The following GALNT7 variants were observed in gnomAD, a reference collection of about 807,000 sequenced individuals.
GALNT7 encodes the protein polypeptide N-acetylgalactosaminyltransferase 7.
GALNT7 carries 60 observed loss-of-function variants against 82.1 expected under a neutral mutation model. That is an observed-to-expected ratio of 0.73 (90% confidence interval 0.59 to 0.91). GALNT7 has a LOEUF of 0.91. Ranked by LOEUF, GALNT7 falls within the 40% of genes least tolerant of loss-of-function variation. The pLI is 0.00. For missense variants in GALNT7, 660 were observed against 804.2 expected (o/e 0.82, Z 2.17); for synonymous variants, 243 against 275.1 (o/e 0.88, Z 1.15).
intron 2 of GALNT7, among the ~76,000 whole-genome samples, 196 bp from the exon 3 acceptor site, chr4:173,291,912 T>A (rs1736548142): frequency 6.6e-6 from 1 of 152,220 alleles, no homozygotes; most frequent in African/African-American, 2.4e-5. Flanking sequence ...ATGCAGTAGC[T>A]TTACCTAGGA....
chr4:173,186,555 T>C (rs1732467649), intron 1 of GALNT7, among the ~76,000 whole-genome samples: 1 of 152,196 alleles, frequency 6.6e-6, no homozygotes, highest in Non-Finnish European at 1.5e-5. Context: ...CTGTTCCTTC[T>C]TCTTGGATGA....
At chr4:173,240,335 A>C (rs1335876122) in intron 1 of GALNT7, among the ~76,000 whole-genome samples, 1 of 151,374 alleles carries the variant, frequency 6.6e-6, no homozygotes, top group Non-Finnish European at 1.5e-5. Context: ...TAGAGATGGC[A>C]ATGGAAAGTG....
At chr4:173,297,528 G>A (rs946884278) in intron 5 of GALNT7, among the ~76,000 whole-genome samples, 2 of 152,160 alleles carry the variant, frequency 1.3e-5, no homozygotes, top group African/African-American at 4.8e-5. Flanking sequence ...GGACCAAAGC[G>A]AAAAGGAGAA....
At chr4:173,313,931 A>C in intron 8 of GALNT7, 27 bp from the exon 9 acceptor site, 1 of 1,001,458 alleles carries the variant, frequency 1.0e-6, no homozygotes, top group Non-Finnish European at 1.5e-6. Flanking sequence ...TTATAACGAT[A>C]TATATATATA....
At chr4:173,249,313 G>A (rs968985810) in intron 2 of GALNT7, among the ~76,000 whole-genome samples, 6 of 152,076 alleles carry the variant, frequency 3.9e-5, no homozygotes, top group African/African-American at 1.2e-4. Flanking sequence ...TCACATACAC[G>A]TATGCATGTA....
intron 2 of GALNT7, among the ~76,000 whole-genome samples, chr4:173,256,264 T>G (rs1735033492): frequency 1.3e-5 from 2 of 152,260 alleles, no homozygotes; most frequent in Admixed American, 1.3e-4. Context: ...GGAAACTGAT[T>G]GATGAAGAAG....
chr4:173,189,880 C>G (rs914957554), intron 1 of GALNT7, among the ~76,000 whole-genome samples: 1 of 152,162 alleles, frequency 6.6e-6, no homozygotes, highest in Non-Finnish European at 1.5e-5. Context: ...ACAATAGATT[C>G]AACTCTCAGT....
At chr4:173,293,392 A>C (rs1308086898) in intron 3 of GALNT7, among the ~76,000 whole-genome samples, 1 of 152,190 alleles carries the variant, frequency 6.6e-6, no homozygotes, top group Non-Finnish European at 1.5e-5. Flanking sequence ...ATGAAAGTAC[A>C]GCTTTAATTA....
intron 5 of GALNT7, among the ~76,000 whole-genome samples, chr4:173,297,253 G>A (rs904937962): frequency 1.6e-5 from 2 of 124,276 alleles, no homozygotes; most frequent in African/African-American, 6.8e-5. Flanking sequence ...TTTTTTGTTT[G>A]TTTTGCAATA....
chr4:173,292,628 A>C lies in GALNT7; in HGVS notation c.754+354A>C, dbSNP rs1445528616. 6.6e-6 allele frequency among the ~76,000 whole-genome samples: 1 copy of C among 152,216 alleles called. No homozygotes were observed. Among genetic ancestry groups the C allele is most frequent in the South Asian group, 2.1e-4 (1 of 4,838 alleles). On this transcript the variant is annotated intron_variant, in intron 3 of 11. Coordinates refer to ENST00000265000, the MANE Select transcript of GALNT7 (RefSeq NM_017423.3). This position sits in a 1 kb window ranked among gnomAD's most constrained non-coding sequence, Gnocchi z 4.8. ...ATATCGTTCAAAATGGCTTTATAAA[A>C]AAGCTTCCTCCAAAATTTAATTGAG...
chr4:173,238,690 T>C (rs1034603158), intron 1 of GALNT7, among the ~76,000 whole-genome samples: 1 of 152,212 alleles, frequency 6.6e-6, no homozygotes, highest in South Asian at 2.1e-4. Flanking sequence ...ATGTTAAATA[T>C]TCACAATAAA....
At chr4:173,193,066 G>A (rs1376523818) in intron 1 of GALNT7, among the ~76,000 whole-genome samples, 1 of 152,204 alleles carries the variant, frequency 6.6e-6, no homozygotes, top group African/African-American at 2.4e-5. Flanking sequence ...AGAGAAAGGA[G>A]TGAAGTAGAT....
intron 1 of GALNT7, among the ~76,000 whole-genome samples, chr4:173,199,968 T>C (rs149177873): frequency 5.2e-4 from 79 of 152,326 alleles, no homozygotes; most frequent in African/African-American, 1.5e-3. Flanking sequence ...GGAATAGTTT[T>C]AGTACATTAT....
chr4:173,217,184 C>T (rs1452243706), intron 1 of GALNT7, among the ~76,000 whole-genome samples: 1 of 151,976 alleles, frequency 6.6e-6, no homozygotes, highest in East Asian at 1.9e-4. Context: ...AGAATGGTGC[C>T]ATTAAGTTAA....
intron 2 of GALNT7, among the ~76,000 whole-genome samples, chr4:173,283,622 C>T (rs983068837): frequency 4.3e-5 from 6 of 140,510 alleles, no homozygotes; most frequent in African/African-American, 1.1e-4. Context: ...GGCGACAGAG[C>T]GAAACTCTGT....
At chr4:173,278,581 CAT>C (rs1424085112) in intron 2 of GALNT7, among the ~76,000 whole-genome samples, 1 of 152,118 alleles carries the variant, frequency 6.6e-6, no homozygotes, top group Non-Finnish European at 1.5e-5. Context: ...TAAATGTAAA[CAT>C]GGTATTTTAT....
intron 1 of GALNT7, among the ~76,000 whole-genome samples, chr4:173,232,293 T>C (rs902066517): frequency 1.3e-5 from 2 of 152,040 alleles, no homozygotes; most frequent in Admixed American, 1.3e-4. Context: ...ATCCCTGACA[T>C]ATACTAGAAA....
At chr4:173,265,056 A>G (rs954490586) in intron 2 of GALNT7, among the ~76,000 whole-genome samples, 1 of 152,256 alleles carries the variant, frequency 6.6e-6, no homozygotes, top group African/African-American at 2.4e-5. Context: ...CTTCATGTAC[A>G]AGCCACTCAA....
At chr4:173,225,781 T>A (rs1368809731) in intron 1 of GALNT7, among the ~76,000 whole-genome samples, 1 of 152,196 alleles carries the variant, frequency 6.6e-6, no homozygotes, top group African/African-American at 2.4e-5. Flanking sequence ...CTTATGTTGT[T>A]AGAGATACCT....
Sources: allele counts gnomAD v4.1 joint callset (sites outside exome capture counted in the v4.1 genomes callset), GRCh38; gene constraint gnomAD v4.1.1; non-coding constraint Gnocchi (gnomAD v3.1); transcripts MANE v1.5; gene names NCBI Gene and HGNC (gene_info 2026-07-23, HGNC 2026-07-21).